CSNK1G1: variants seen among roughly 807,000 people sequenced by gnomAD.
CSNK1G1 encodes the protein casein kinase I isoform gamma-1.
In CSNK1G1, 22 loss-of-function variants were observed where a neutral mutation model predicts 59.6. The observed-to-expected ratio is 0.37, with a 90% CI of 0.26 to 0.53. The LOEUF (loss-of-function observed/expected upper bound fraction) is 0.53, where lower values mean the gene tolerates loss of function less well. Ranked by LOEUF, CSNK1G1 falls within the 20% of genes least tolerant of loss-of-function variation. The probability of loss-of-function intolerance (pLI) is 0.89; values close to 1 mark genes in which losing one functional copy is unlikely to be tolerated. For synonymous variants in CSNK1G1, 179 were observed against 177.1 expected, an observed-to-expected ratio of 1.01 and a Z score of -0.08; for missense variants, 384 against 519.5, an observed-to-expected ratio of 0.74 and a Z score of 2.54.
At chr15:64,218,369 C>T (rs2082339077) in intron 4 of CSNK1G1, among the ~76,000 whole-genome samples, 4 of 151,490 alleles carry the variant, frequency 2.6e-5, no homozygotes, top group Admixed American at 2.6e-4. Flanking sequence ...TTGTATTAGT[C>T]TATCTTGATT....
At chr15:64,272,361 G>A (rs550860756) in intron 2 of CSNK1G1, among the ~76,000 whole-genome samples, 17 of 152,122 alleles carry the variant, frequency 1.1e-4, no homozygotes, top group East Asian at 5.8e-4. Flanking sequence ...GATTACAGGC[G>A]TCTGCCACTA....
chr15:64,220,387 G>C (rs2082371811), intron 4 of CSNK1G1, among the ~76,000 whole-genome samples: 1 of 152,068 alleles, frequency 6.6e-6, no homozygotes, highest in African/African-American at 2.4e-5. Flanking sequence ...GAGCCACCAT[G>C]CCTGGCCCAG....
In CSNK1G1 at chr15:64,204,350, G is replaced by A. The variant is rs114708139; in HGVS notation, c.999+91C>T. On this transcript the variant is annotated intron_variant, in intron 9 of 11. Coordinates refer to ENST00000303052, the MANE Select transcript of CSNK1G1 (RefSeq NM_022048.5). ...AGGAATATTTTTACCAAAGATTCAA[G>A]CAGAAAGACTGGCAAGTAAAGGCAT... The A allele has an allele frequency of 3.7e-4, 385 of 1,050,836 alleles. 2 individuals are homozygous for A. In the African/African-American group the frequency reaches 5.9e-3, roughly 16 times the overall value. 65.1% of individuals were successfully genotyped at this position (1,050,836 alleles called of 1,614,324 possible).
intron 4 of CSNK1G1, among the ~76,000 whole-genome samples, chr15:64,229,915 T>A (rs1326082325): frequency 6.0e-5 from 5 of 83,216 alleles, no homozygotes; most frequent in African/African-American, 2.1e-4. Flanking sequence ...TTTTTTTTTT[T>A]TTTTTTTTTT....
intron 3 of CSNK1G1, among the ~76,000 whole-genome samples, chr15:64,253,577 C>G (rs922936600): frequency 1.3e-5 from 2 of 152,022 alleles, no homozygotes; most frequent in East Asian, 3.8e-4. Context: ...ATAGATGCTC[C>G]AAAGAAGTGA....
At chr15:64,293,439 T>A (rs1894848814) in intron 2 of CSNK1G1, among the ~76,000 whole-genome samples, 1 of 152,234 alleles carries the variant, frequency 6.6e-6, no homozygotes, top group Non-Finnish European at 1.5e-5. Flanking sequence ...AAAAGATTCT[T>A]GATATTGTTT....
At chr15:64,228,772 C>A (rs925638227) in intron 4 of CSNK1G1, among the ~76,000 whole-genome samples, 4 of 152,066 alleles carry the variant, frequency 2.6e-5, no homozygotes, top group Admixed American at 2.6e-4. Context: ...TCCGAACAGT[C>A]TGGGAGGCCA....
Position 64,207,578 on chromosome 15 carries a change from A to G in CSNK1G1, c.696T>C (p.Asp232=). Residue 232 remains aspartate (D), a synonymous_variant, in exon 7 of 12, where the codon GAT becomes GAC. Transcript: ENST00000303052. The part of the protein sequence containing the change: ...THLGKEQSRR[D]DLEALGHMFM... ...ACATATGGCCTAGGGCTTCCAAATC[A>G]TCTCTCCGGCTTTGCTCTAAAAGGG... 2 of 1,613,736 alleles carry G rather than the reference A, an allele frequency of 1.2e-6. No individual in the cohort carries two copies.
At chr15:64,207,392 T>G (rs937201387) in intron 7 of CSNK1G1, 117 bp downstream of exon 7, 10 of 688,298 alleles carry the variant, frequency 1.5e-5, no homozygotes, top group Admixed American at 2.5e-5. Context: ...ATTACAGGCA[T>G]GAGCCACCGC....
chr15:64,311,108 T>G (rs1045906464), intron 1 of CSNK1G1, among the ~76,000 whole-genome samples: 11 of 151,936 alleles, frequency 7.2e-5, no homozygotes, highest in African/African-American at 2.4e-4. Flanking sequence ...GGCTGGAGTG[T>G]AGTGGCATGA....
intron 4 of CSNK1G1, among the ~76,000 whole-genome samples, chr15:64,240,722 C>A (rs2082682479): frequency 6.6e-6 from 1 of 151,948 alleles, no homozygotes; most frequent in Non-Finnish European, 1.5e-5. Flanking sequence ...TAAAGTCTTT[C>A]CCAGACAAGC....
At chr15:64,344,071 T>C (rs1897818479) in intron 1 of CSNK1G1, among the ~76,000 whole-genome samples, 1 of 152,140 alleles carries the variant, frequency 6.6e-6, no homozygotes, top group South Asian at 2.1e-4. Flanking sequence ...TAGTAATGTA[T>C]AAAAATGCTT....
At chr15:64,350,674 T>C (rs538657906) in intron 1 of CSNK1G1, among the ~76,000 whole-genome samples, 2 of 152,162 alleles carry the variant, frequency 1.3e-5, no homozygotes, top group Non-Finnish European at 2.9e-5. Flanking sequence ...AGAGCTGATA[T>C]TATATAACCT....
At chr15:64,207,713 T>C (rs754738494) in intron 6 of CSNK1G1, 119 bp from the exon 7 acceptor site, 9 of 693,096 alleles carry the variant, frequency 1.3e-5, no homozygotes, top group East Asian at 2.8e-5. Flanking sequence ...TACTAATTAC[T>C]TGTATATTTA....
At chr15:64,350,423 C>T (rs1272585018) in intron 1 of CSNK1G1, among the ~76,000 whole-genome samples, 1 of 152,000 alleles carries the variant, frequency 6.6e-6, no homozygotes, top group Non-Finnish European at 1.5e-5. Flanking sequence ...ATGGCGTGAA[C>T]CCGGGAGATG....
At chr15:64,276,860 T>G (rs958087298) in intron 2 of CSNK1G1, among the ~76,000 whole-genome samples, 13 of 147,374 alleles carry the variant, frequency 8.8e-5, no homozygotes, top group Admixed American at 3.4e-4. Flanking sequence ...GGCAGGAGAA[T>G]GGTGTGAACC....
At position 64,269,562 on chromosome 15, in the gene CSNK1G1, C is replaced by T. The variant is rs1407446429; in HGVS notation, c.182-10321G>A. ...AGGCTGGAGTGCAGTGGTGCGATCT[C>T]AGCTCACTGCAACCTCTGCCTCCCG... On this transcript the variant is annotated intron_variant, in intron 2 of 11. Coordinates refer to ENST00000303052, the MANE Select transcript of CSNK1G1 (RefSeq NM_022048.5). Among the ~76,000 whole-genome samples the T allele has an allele frequency of 2.0e-5, 3 of 148,536 alleles. No homozygotes were observed. In the East Asian group the frequency reaches 5.9e-4, roughly 29 times the overall value.
chr15:64,166,147 G>T lies in CSNK1G1; in HGVS notation c.*5784C>A. 2 of 519,574 alleles carry T rather than the reference G, an allele frequency of 3.8e-6. No homozygotes were observed. Among genetic ancestry groups the T allele is most frequent in the Non-Finnish European group, 6.8e-6 (2 of 293,698 alleles). 32.2% of individuals were successfully genotyped at this position (519,574 alleles called of 1,614,324 possible). On this transcript the variant is annotated 3_prime_UTR_variant, in exon 12 of 12. Transcript: ENST00000303052. This position sits in a 1 kb window ranked among gnomAD's most constrained non-coding sequence, Gnocchi z 4.5. ...TCAGACACATCCACACATTAAAACT[G>T]ATTTCCACTGCTGATTTATACATTA...
At chr15:64,230,194 C>T (rs1252665909) in intron 4 of CSNK1G1, among the ~76,000 whole-genome samples, 2 of 151,924 alleles carry the variant, frequency 1.3e-5, no homozygotes, top group Non-Finnish European at 2.9e-5. Context: ...AGCCACCATG[C>T]CCTGCCCGGT....
Sources: allele counts gnomAD v4.1 joint callset (sites outside exome capture counted in the v4.1 genomes callset), GRCh38; gene constraint gnomAD v4.1.1; non-coding constraint Gnocchi (gnomAD v3.1); transcripts MANE v1.5; gene names NCBI Gene and HGNC (gene_info 2026-07-23, HGNC 2026-07-21).